BTBD10: variants seen among roughly 807,000 people sequenced by gnomAD.
BTBD10 encodes BTB/POZ domain-containing protein 10.
In BTBD10, 21 loss-of-function variants were observed where a neutral mutation model predicts 53.2. The ratio of observed to expected loss-of-function variants is 0.39; its 90% CI spans 0.28 to 0.57. The LOEUF (loss-of-function observed/expected upper bound fraction) is 0.57, where lower values mean the gene tolerates loss of function less well. Ranked by LOEUF, BTBD10 falls within the 20% of genes least tolerant of loss-of-function variation. The probability of loss-of-function intolerance (pLI) is 0.53; values close to 1 mark genes in which losing one functional copy is unlikely to be tolerated. For synonymous variants in BTBD10, 149 were observed against 192.7 expected (o/e 0.77, Z 1.88); for missense variants, 360 against 594.7 (o/e 0.61, Z 4.10).
intron 8 of BTBD10, 45 bp downstream of exon 8, chr11:13,403,123 T>G: frequency 8.3e-7 from 1 of 1,204,992 alleles, no homozygotes; most frequent in Non-Finnish European, 1.2e-6. Flanking sequence ...TTTAACCTTT[T>G]TGTTTTAAAA....
chr11:13,390,677 A>G (rs1374919045), intron 8 of BTBD10, among the ~76,000 whole-genome samples: 1 of 152,194 alleles, frequency 6.6e-6, no homozygotes. Context: ...AAAAGAGGCA[A>G]TGAGCTGATT....
rs561142121 is a variant in BTBD10, at chr11:13,416,796, G to A, written c.687+362C>T. Among the ~76,000 whole-genome samples, 9 of 152,178 alleles carry A rather than the reference G, an allele frequency of 5.9e-5. No individual in the cohort carries two copies. The South Asian group carries it at 1.2e-3, about 21-fold the overall frequency. ...GTTCGAGAACAGCCTAGGTAACACT[G>A]TGAGACCTCGTCTCTATAAAAAATG... On this transcript the variant is annotated intron_variant, in intron 5 of 8. Transcript: ENST00000278174.
At chr11:13,444,973 A>G (rs1051398502) in intron 2 of BTBD10, 51 bp downstream of exon 2, 1 of 1,417,124 alleles carries the variant, frequency 7.1e-7, no homozygotes, top group South Asian at 1.2e-5. Context: ...TATTCTTTAC[A>G]ATCAGTTTTT....
intron 8 of BTBD10, among the ~76,000 whole-genome samples, chr11:13,400,187 G>T (rs1208456492): frequency 6.6e-6 from 1 of 152,256 alleles, no homozygotes; most frequent in Non-Finnish European, 1.5e-5. Flanking sequence ...AGCTGTGGTG[G>T]GCTCCACCCA....
intron 2 of BTBD10, among the ~76,000 whole-genome samples, chr11:13,435,523 C>T (rs1950530684): frequency 1.3e-5 from 2 of 152,146 alleles, no homozygotes; most frequent in Non-Finnish European, 2.9e-5. Context: ...TTGATAGTCT[C>T]GCTCTGTCGC....
At chr11:13,452,411 T>C (rs1172794913) in intron 1 of BTBD10, among the ~76,000 whole-genome samples, 1 of 152,166 alleles carries the variant, frequency 6.6e-6, no homozygotes, top group Non-Finnish European at 1.5e-5. Context: ...TTATCAAAAC[T>C]GACAGAACTG....
intron 8 of BTBD10, among the ~76,000 whole-genome samples, chr11:13,398,486 C>G (rs1449557434): frequency 6.6e-6 from 1 of 152,166 alleles, no homozygotes; most frequent in African/African-American, 2.4e-5. Flanking sequence ...TGGGTCTTGA[C>G]TCTTTATCCA....
chr11:13,437,326 T>A (rs948132008), intron 2 of BTBD10, among the ~76,000 whole-genome samples: 20 of 152,330 alleles, frequency 1.3e-4, no homozygotes, highest in African/African-American at 3.4e-4. Context: ...CTTTTTCATA[T>A]GTGATGCTGT....
intron 8 of BTBD10, among the ~76,000 whole-genome samples, chr11:13,394,658 T>G (rs1253065623): frequency 6.6e-6 from 1 of 152,074 alleles, no homozygotes; most frequent in African/African-American, 2.4e-5. Flanking sequence ...AACTCGTCAT[T>G]TAGCATTAGC....
At chr11:13,441,386 A>G (rs185057522) in intron 2 of BTBD10, among the ~76,000 whole-genome samples, 1 of 152,262 alleles carries the variant, frequency 6.6e-6, no homozygotes, top group East Asian at 1.9e-4. Flanking sequence ...TACACATATC[A>G]CTAGGTACCC....
intron 2 of BTBD10, 141 bp downstream of exon 2, chr11:13,444,883 T>C: frequency 2.0e-6 from 1 of 490,674 alleles, no homozygotes; most frequent in South Asian, 3.9e-5. Context: ...AAGTTATCTA[T>C]GGAGACAGAT....
chr11:13,400,020 C>T (rs190339543), intron 8 of BTBD10, among the ~76,000 whole-genome samples: 24 of 152,328 alleles, frequency 1.6e-4, no homozygotes, highest in Admixed American at 1.6e-3. Context: ...AGGCAGTCTG[C>T]CCGTTCTCAG....
At chr11:13,440,136 T>C (rs1289471779) in intron 2 of BTBD10, 26 of 1,506,188 alleles carry the variant, frequency 1.7e-5, no homozygotes, top group Non-Finnish European at 2.2e-5. Flanking sequence ...CCCTCTACTG[T>C]GTAATAATGC....
intron 8 of BTBD10, among the ~76,000 whole-genome samples, chr11:13,398,061 C>G (rs540095902): frequency 1.4e-4 from 21 of 152,254 alleles, no homozygotes; most frequent in African/African-American, 3.6e-4. Flanking sequence ...ATTAGGTCTG[C>G]TTGGTGCAGA....
intron 6 of BTBD10, among the ~76,000 whole-genome samples, chr11:13,407,701 C>T (rs1243843717): frequency 6.6e-6 from 1 of 152,132 alleles, no homozygotes; most frequent in Non-Finnish European, 1.5e-5. Context: ...CATCTCTTCC[C>T]AAAAAGTGGA....
At position 13,403,371 on chromosome 11, in the gene BTBD10, C is replaced by G. The variant is rs942058144; in HGVS notation, c.1007-93G>C. The G allele has an allele frequency of 3.7e-5, 23 of 620,912 alleles. No homozygotes were observed. The African/African-American group carries it at 4.5e-4, about 12-fold the overall frequency. The allele number at this position is 620,912 out of a possible 1,614,324, so 38.5% of individuals were successfully genotyped here. On this transcript the variant is annotated intron_variant, in intron 7 of 8. Transcript: ENST00000278174. ...TTGCTCATCAAAGGGGCCTAACAGT[C>G]CTAAAAGCCCAAATAATGGATGCAG...
Position 13,395,149 on chromosome 11 carries a change from A to C in BTBD10, c.1118-6008T>G, listed in dbSNP as rs1007151735. ...TTCCACAATGGTTGAACTAGTTTAC[A>C]GTCCCACCAACAGTGTAAAAGTGTT... On this transcript the variant is annotated intron_variant, in intron 8 of 8. Coordinates refer to ENST00000278174, the MANE Select transcript of BTBD10 (RefSeq NM_032320.7). Among the ~76,000 whole-genome samples, 20 of 148,592 alleles carry C rather than the reference A, an allele frequency of 1.3e-4. 1 individual carries two copies. Among genetic ancestry groups the C allele is most frequent in the African/African-American group, 4.6e-4 (19 of 40,934 alleles).
chr11:13,462,728 G>C (rs555576277), intron 1 of BTBD10: 1 of 152,442 alleles, frequency 6.6e-6, no homozygotes, highest in African/African-American at 2.4e-5. Flanking sequence ...ATTGTGATGC[G>C]CCTTCCTCAG....
At chr11:13,422,390 G>A (rs547312537) in intron 2 of BTBD10, among the ~76,000 whole-genome samples, 1 of 152,212 alleles carries the variant, frequency 6.6e-6, no homozygotes, top group African/African-American at 2.4e-5. Flanking sequence ...AATCACACCT[G>A]TAATCCCAAC....
Sources: allele counts gnomAD v4.1 joint callset (sites outside exome capture counted in the v4.1 genomes callset), GRCh38; gene constraint gnomAD v4.1.1; transcripts MANE v1.5; gene names NCBI Gene and HGNC (gene_info 2026-07-23, HGNC 2026-07-21).